LIG1: variants seen among roughly 807,000 people sequenced by gnomAD.
LIG1 encodes DNA ligase 1.
A neutral mutation model predicts 115.7 loss-of-function variants in LIG1; 70 were observed. The observed-to-expected ratio is 0.60, with a 90% CI of 0.50 to 0.74. LIG1 has a LOEUF of 0.74. LIG1 is among the 30% of genes least tolerant of loss of function. The probability of loss-of-function intolerance (pLI) is 0.00; values close to 1 mark genes in which losing one functional copy is unlikely to be tolerated. For missense variants in LIG1, 1,115 were observed against 1,225.6 expected, an observed-to-expected ratio of 0.91 and a Z score of 1.35; for synonymous variants, 487 against 495.3, an observed-to-expected ratio of 0.98 and a Z score of 0.22.
rs36171813 is a variant in LIG1, at chr19:48,153,637, AACACACACACAC to A, written c.466+223_466+234del. Among the ~76,000 whole-genome samples the A allele has an allele frequency of 5.2e-3, 304 of 58,778 alleles. 5 individuals carry two copies. Among genetic ancestry groups the A allele is most frequent in the East Asian group, 0.013 (24 of 1,802 alleles). The allele number at this position is 58,778 out of a possible 152,430, so 38.6% of individuals were successfully genotyped here. A position where few individuals can be genotyped will look rare whatever the true frequency, so the allele number is the denominator to read the frequency against. ...CAGGCCCCTGCCCTTGCAGATCCAA[AACACACACACAC>A]ACACACACACACACACACACACACA... On this transcript the variant is annotated intron_variant, in intron 6 of 27. Coordinates refer to ENST00000263274, the MANE Select transcript of LIG1 (RefSeq NM_000234.3).
At chr19:48,126,857 C>A (rs775933260) in intron 21 of LIG1, among the ~76,000 whole-genome samples, 7 of 151,636 alleles carry the variant, frequency 4.6e-5, no homozygotes, top group Admixed American at 3.9e-4. Context: ...TGATTACAGG[C>A]GTGAACCACA....
intron 4 of LIG1, 58 bp downstream of exon 4, chr19:48,161,313 CA>C: frequency 6.2e-7 from 1 of 1,611,560 alleles, no homozygotes; most frequent in Non-Finnish European, 8.5e-7. Flanking sequence ...CACTCTGTTC[CA>C]AAGGTTAATG....
At chr19:48,162,804 A>G (rs1390808057) in intron 2 of LIG1, among the ~76,000 whole-genome samples, 1 of 152,138 alleles carries the variant, frequency 6.6e-6, no homozygotes, top group Admixed American at 6.5e-5. Flanking sequence ...AACTTAACTG[A>G]TAAGGAAACT....
intron 22 of LIG1, 59 bp downstream of exon 22, chr19:48,123,115 T>A (rs553586573): frequency 1.7e-5 from 28 of 1,613,352 alleles, no homozygotes; most frequent in Admixed American, 1.5e-4. Flanking sequence ...GGGGACAGGC[T>A]GGGAGGCCGG....
intron 5 of LIG1, chr19:48,154,168 T>TA (rs1284980800): frequency 1.6e-6 from 1 of 611,262 alleles, no homozygotes; most frequent in Non-Finnish European, 3.0e-6. Context: ...GCAGGTTACT[T>TA]AATTTCTCTG....
At chr19:48,119,367 G>A (rs1434693980) in intron 24 of LIG1, among the ~76,000 whole-genome samples, 177 bp from the exon 25 acceptor site, 1 of 152,036 alleles carries the variant, frequency 6.6e-6, no homozygotes, top group African/African-American at 2.4e-5. Flanking sequence ...GAGACTCCCG[G>A]GTGGGAATGT....
At chr19:48,157,458 A>G (rs1299897666) in intron 4 of LIG1, among the ~76,000 whole-genome samples, 1 of 152,050 alleles carries the variant, frequency 6.6e-6, no homozygotes, top group Non-Finnish European at 1.5e-5. Flanking sequence ...TTGTATTTTT[A>G]GTAGAGACGG....
At chr19:48,160,988 TG>T (rs1484588528) in intron 4 of LIG1, among the ~76,000 whole-genome samples, 1 of 152,126 alleles carries the variant, frequency 6.6e-6, no homozygotes, top group Non-Finnish European at 1.5e-5. Flanking sequence ...CCTCCCACGT[TG>T]GCCTCCCAAC....
At chr19:48,163,081 A>AT (rs906943463) in intron 2 of LIG1, among the ~76,000 whole-genome samples, 3 of 150,444 alleles carry the variant, frequency 2.0e-5, no homozygotes, top group Non-Finnish European at 3.0e-5. Context: ...CGCCCAGCTA[A>AT]TTTTTTTTGT....
chr19:48,161,342 G>A lies in LIG1; in HGVS notation c.243+30C>T, dbSNP rs4987071. 1,104 of 1,614,048 alleles carry A rather than the reference G, an allele frequency of 6.8e-4. 6 individuals carry two copies. The African/African-American group carries it at 0.013, about 20-fold the overall frequency. On this transcript the variant is annotated intron_variant, in intron 4 of 27. Transcript: ENST00000263274. ...GGTTAATGGGAATTAGTTTCTTCTGGTAAAAATGGGCAGGGTGATGGGGAC... is the reference window on the plus strand; with the variant it reads ...GGTTAATGGGAATTAGTTTCTTCTGATAAAAATGGGCAGGGTGATGGGGAC...
At position 48,143,475 on chromosome 19, in the gene LIG1, A is replaced by G. The variant is rs3730938; in HGVS notation, c.914+68T>C. 0.34 allele frequency: 390,869 copies of G among 1,158,864 alleles called. 73,689 individuals carry two copies. The highest frequency in any genetic ancestry group is 0.55 in the East Asian group (21,910 of 39,496). 71.8% of individuals were successfully genotyped at this position (1,158,864 alleles called of 1,614,324 possible). A position where few individuals can be genotyped will look rare whatever the true frequency, so the allele number is the denominator to read the frequency against. Reference sequence around the variant, plus strand: ...AGGGTTTGGCGGAACAAGGCAGCACAGACCGCCATGCAGAGGACAGACCCA... The same window carrying G: ...AGGGTTTGGCGGAACAAGGCAGCACGGACCGCCATGCAGAGGACAGACCCA... On this transcript the variant is annotated intron_variant, in intron 11 of 27. Transcript: ENST00000263274.
At chr19:48,132,163 G>C (rs1459716069) in intron 18 of LIG1, among the ~76,000 whole-genome samples, 1 of 151,914 alleles carries the variant, frequency 6.6e-6, no homozygotes, top group African/African-American at 2.4e-5. Flanking sequence ...GTCTCCTCAG[G>C]GGTCCACTTC....
At chr19:48,144,119 G>A (rs1190669302) in intron 9 of LIG1, among the ~76,000 whole-genome samples, 156 bp from the exon 10 acceptor site, 1 of 152,200 alleles carries the variant, frequency 6.6e-6, no homozygotes, top group African/African-American at 2.4e-5. Flanking sequence ...TCCAGCAGGA[G>A]AGTCAGAGGA....
intron 9 of LIG1, among the ~76,000 whole-genome samples, chr19:48,148,045 G>A (rs8104114): frequency 0.31 from 45,941 of 147,290 alleles, 9,509 homozygotes; most frequent in African/African-American, 0.6. Context: ...CTGGGGACAC[G>A]CACCTCCTCT....
At chr19:48,154,199 G>A in intron 5 of LIG1, 1 of 538,056 alleles carries the variant, frequency 1.9e-6, no homozygotes, top group East Asian at 3.6e-5. Context: ...TCTCACGACT[G>A]CAGAATAGAA....
At chr19:48,117,577 GCT>G (rs764139394) in intron 26 of LIG1, 59 bp downstream of exon 26, 73 of 1,578,812 alleles carry the variant, frequency 4.6e-5, no homozygotes, top group Middle Eastern at 4.3e-4. Flanking sequence ...TCCCTACTCT[GCT>G]CTCTGTGTGC....
At chr19:48,123,043 T>C (rs756484713) in intron 22 of LIG1, 27 bp from the exon 23 acceptor site, 1 of 1,612,950 alleles carries the variant, frequency 6.2e-7, no homozygotes. Flanking sequence ...AGCGTGGTCC[T>C]TGGGAAGCCC....
chr19:48,124,299 T>TA (rs2033515510), intron 21 of LIG1, among the ~76,000 whole-genome samples: 1 of 152,198 alleles, frequency 6.6e-6, no homozygotes, highest in South Asian at 2.1e-4. Context: ...GTTAAGCAGG[T>TA]ACAATTTATC....
intron 10 of LIG1, 101 bp downstream of exon 10, chr19:48,143,781 AG>A: frequency 8.6e-7 from 1 of 1,157,878 alleles, no homozygotes; most frequent in Non-Finnish European, 1.3e-6. Context: ...AAAACACAGG[AG>A]GGAGAGACTT....
Sources: gnomAD v4.1 joint callset for allele counts (sites outside exome capture counted in the v4.1 genomes callset) on GRCh38, gnomAD v4.1.1 for gene constraint, MANE v1.5 for transcripts, NCBI Gene and HGNC (gene_info 2026-07-23, HGNC 2026-07-21) for gene names.